The following ABCA13 variants were observed in gnomAD, a reference collection of about 807,000 sequenced individuals.
ABCA13 encodes the protein ATP binding cassette subfamily A member 13.
Under a neutral mutation model 478.7 loss-of-function variants are expected in ABCA13, and 476 were observed. The observed-to-expected ratio is 0.99, with a 90% confidence interval of 0.92 to 1.07. The LOEUF (loss-of-function observed/expected upper bound fraction) is 1.07. ABCA13 is among the 50% of genes least tolerant of loss of function. The pLI, the probability that ABCA13 is intolerant of heterozygous loss-of-function variation, is 0.00. For synonymous variants in ABCA13, 2,252 were observed against 2,158.9 expected, an observed-to-expected ratio of 1.04 and a Z score of -1.20; for missense variants, 6,060 against 5,910.6, an observed-to-expected ratio of 1.03 and a Z score of -0.83.
At chr7:48,223,393 A>G (rs1407490716) in intron 5 of ABCA13, among the ~76,000 whole-genome samples, 1 of 152,140 alleles carries the variant, frequency 6.6e-6, no homozygotes, top group Non-Finnish European at 1.5e-5. Flanking sequence ...AGAGCAGAGA[A>G]AGAGGGCTGA....
At chr7:48,303,459 A>G (rs1414323339) in intron 23 of ABCA13, among the ~76,000 whole-genome samples, 1 of 152,054 alleles carries the variant, frequency 6.6e-6, no homozygotes, top group East Asian at 1.9e-4. Context: ...CAGGGTTTTT[A>G]TAGTTTTGGG....
At chr7:48,332,785 G>T (rs1002127510) in intron 27 of ABCA13, among the ~76,000 whole-genome samples, 1 of 152,140 alleles carries the variant, frequency 6.6e-6, no homozygotes, top group Non-Finnish European at 1.5e-5. Flanking sequence ...GGCTCCCAGG[G>T]TTTCAGATGA....
intron 9 of ABCA13, among the ~76,000 whole-genome samples, chr7:48,239,610 A>G (rs1196564377): frequency 1.3e-5 from 2 of 152,222 alleles, no homozygotes; most frequent in Non-Finnish European, 2.9e-5. Flanking sequence ...TAGGCCCTCA[A>G]CACTCATCAC....
At chr7:48,284,358 AT>A (rs1453815675) in intron 19 of ABCA13, among the ~76,000 whole-genome samples, 1 of 152,170 alleles carries the variant, frequency 6.6e-6, no homozygotes, top group African/African-American at 2.4e-5. Context: ...TGTATTTCCA[AT>A]TAGATGTTAT....
At chr7:48,445,993 C>G (rs1824249845) in intron 42 of ABCA13, among the ~76,000 whole-genome samples, 1 of 152,140 alleles carries the variant, frequency 6.6e-6, no homozygotes, top group African/African-American at 2.4e-5. Context: ...TCTGTCCCAC[C>G]TACAGAGTGA....
chr7:48,538,099 CCTTTT>C (rs1833713449), intron 55 of ABCA13, among the ~76,000 whole-genome samples: 1 of 120,010 alleles, frequency 8.3e-6, no homozygotes, highest in Admixed American at 9.0e-5. Flanking sequence ...TTCTTTCTTT[CCTTTT>C]TTTTTTTTTT....
intron 40 of ABCA13, among the ~76,000 whole-genome samples, chr7:48,411,377 C>G (rs61558687): frequency 6.9e-6 from 1 of 145,886 alleles, no homozygotes; most frequent in African/African-American, 2.6e-5. Flanking sequence ...GGTACAACCT[C>G]TGTTCACTGC....
In ABCA13 at chr7:48,455,006, C is replaced by T. The variant is rs527293823; in HGVS notation, c.12566-31C>T. 8 of 1,470,056 alleles carry T rather than the reference C, an allele frequency of 5.4e-6. No homozygotes were observed. In the South Asian group the frequency reaches 8.2e-5, roughly 15 times the overall value. The allele number at this position is 1,470,056 out of a possible 1,614,324, so 91.1% of individuals were successfully genotyped here. ...GCGCTGTCACCTCCGCAGAGCTGAC[C>T]CAGCCGCCCTTCCTCCCGCCCGTCC... On this transcript the variant is annotated intron_variant, in intron 42 of 61. Coordinates refer to ENST00000435803, the MANE Select transcript of ABCA13 (RefSeq NM_152701.5).
chr7:48,383,885 G>A (rs1814773729), intron 35 of ABCA13, among the ~76,000 whole-genome samples: 1 of 152,134 alleles, frequency 6.6e-6, no homozygotes, highest in African/African-American at 2.4e-5. Flanking sequence ...ATCTTTGAAA[G>A]TACTGTTAAT....
intron 1 of ABCA13, 150 bp downstream of exon 1, chr7:48,171,702 C>A: frequency 1.2e-6 from 1 of 853,198 alleles, no homozygotes; most frequent in Non-Finnish European, 1.8e-6. Context: ...TAAATCAAAA[C>A]CCGTCCCAAG....
rs1795404598 is a variant in ABCA13 at position 48,645,825 on chromosome 7, C to G, written c.*313C>G. ...GTGTCCAAACTGAGACATTCTGGAG[C>G]TGGAAAGCCTGTCACACTAGAGTGT... is the stretch of plus-strand genomic sequence containing the variant. On this transcript the variant is annotated 3_prime_UTR_variant, in exon 62 of 62. Coordinates refer to ENST00000435803, the MANE Select transcript of ABCA13 (RefSeq NM_152701.5). 6.7e-6 allele frequency: 2 copies of G among 299,594 alleles called. No homozygotes were observed. Among genetic ancestry groups the G allele is most frequent in the Admixed American group, 5.5e-5 (1 of 18,080 alleles). 18.6% of individuals were successfully genotyped at this position (299,594 alleles called of 1,614,324 possible).
At chr7:48,446,134 A>T (rs1392051953) in intron 42 of ABCA13, among the ~76,000 whole-genome samples, 1 of 152,142 alleles carries the variant, frequency 6.6e-6, no homozygotes, top group Admixed American at 6.5e-5. Context: ...TTTAAAAATC[A>T]CCTGGGTACT....
At chr7:48,409,993 C>T (rs1818776142) in intron 39 of ABCA13, among the ~76,000 whole-genome samples, 1 of 148,636 alleles carries the variant, frequency 6.7e-6, no homozygotes, top group Non-Finnish European at 1.5e-5. Flanking sequence ...ACTCTGGAGG[C>T]TGAGGTGGGA....
At chr7:48,388,878 T>C (rs1443458041) in intron 36 of ABCA13, among the ~76,000 whole-genome samples, 162 bp from the exon 37 acceptor site, 1 of 152,268 alleles carries the variant, frequency 6.6e-6, no homozygotes, top group East Asian at 1.9e-4. Context: ...TGCCATTATA[T>C]AGTCTGCTTC....
intron 43 of ABCA13, among the ~76,000 whole-genome samples, chr7:48,463,979 C>T (rs1585435350): frequency 3.3e-5 from 5 of 152,242 alleles, no homozygotes; most frequent in Admixed American, 3.3e-4. Flanking sequence ...GACTTGTTAA[C>T]CAGGAAGGCC....
intron 39 of ABCA13, among the ~76,000 whole-genome samples, chr7:48,408,872 T>A (rs1818622594): frequency 1.3e-5 from 2 of 152,184 alleles, no homozygotes; most frequent in East Asian, 3.9e-4. Flanking sequence ...TAGACCTCAG[T>A]GTGTGTTGTT....
intron 1 of ABCA13, among the ~76,000 whole-genome samples, chr7:48,188,149 G>A (rs1372070640): frequency 7.9e-5 from 12 of 152,150 alleles, no homozygotes; most frequent in Non-Finnish European, 1.5e-5. Context: ...ATGGAGAAGA[G>A]TGAGGGAAAT....
intron 55 of ABCA13, among the ~76,000 whole-genome samples, chr7:48,537,891 T>C (rs1386119770): frequency 1.3e-5 from 2 of 151,886 alleles, no homozygotes; most frequent in Non-Finnish European, 2.9e-5. Context: ...TTACTGAAAC[T>C]AGGGGAAGGA....
At chr7:48,205,461 A>G (rs943853509) in intron 3 of ABCA13, among the ~76,000 whole-genome samples, 4 of 152,202 alleles carry the variant, frequency 2.6e-5, no homozygotes, top group African/African-American at 9.7e-5. Flanking sequence ...AACTTGTTAT[A>G]GCCCCAGCCA....
Sources: gnomAD v4.1 joint callset for allele counts (sites outside exome capture counted in the v4.1 genomes callset) on GRCh38, gnomAD v4.1.1 for gene constraint, MANE v1.5 for transcripts, NCBI Gene and HGNC (gene_info 2026-07-23, HGNC 2026-07-21) for gene names.